Variants in LSAMP observed in about 807,000 individuals in gnomAD.
LSAMP encodes the protein limbic system-associated membrane protein.
Under a neutral mutation model 38.6 loss-of-function variants are expected in LSAMP, and 7 were observed. The observed-to-expected ratio is 0.18, with a 90% CI of 0.10 to 0.34. LSAMP has a LOEUF of 0.34. LSAMP is among the 10% of genes least tolerant of loss of function. The pLI, the probability that LSAMP is intolerant of heterozygous loss-of-function variation, is 1.00. For missense variants in LSAMP, 313 were observed against 420.0 expected, an observed-to-expected ratio of 0.75 and a Z score of 2.23; for synonymous variants, 154 against 166.8, an observed-to-expected ratio of 0.92 and a Z score of 0.59.
chr3:116,340,956 G>A (rs755035582), intron 1 of LSAMP, among the ~76,000 whole-genome samples: 3 of 151,938 alleles, frequency 2.0e-5, no homozygotes, highest in Admixed American at 6.6e-5. Flanking sequence ...ACCTCTATAT[G>A]TATCATCCTC....
intron 1 of LSAMP, among the ~76,000 whole-genome samples, chr3:116,153,735 T>G (rs1709677071): frequency 6.6e-6 from 1 of 152,128 alleles, no homozygotes; most frequent in African/African-American, 2.4e-5. Context: ...CTCTTTGGCT[T>G]TCACTTAAGC....
intron 3 of LSAMP, among the ~76,000 whole-genome samples, chr3:115,958,154 A>C (rs1938512506): frequency 6.6e-6 from 1 of 152,222 alleles, no homozygotes; most frequent in East Asian, 1.9e-4. Context: ...GAGGTGTCAC[A>C]TAAAAACATT....
At chr3:116,085,591 A>G (rs1469792876) in intron 2 of LSAMP, among the ~76,000 whole-genome samples, 1 of 152,226 alleles carries the variant, frequency 6.6e-6, no homozygotes, top group Non-Finnish European at 1.5e-5. Flanking sequence ...AAAATTGTGC[A>G]GCTGATCAGC....
chr3:116,292,230 A>C (rs1183983457), intron 1 of LSAMP, among the ~76,000 whole-genome samples: 1 of 152,152 alleles, frequency 6.6e-6, no homozygotes, highest in Non-Finnish European at 1.5e-5. Context: ...AATCTCCTCA[A>C]TATATTAACA....
At chr3:115,857,646 C>T (rs560267915) in intron 3 of LSAMP, among the ~76,000 whole-genome samples, 1 of 152,278 alleles carries the variant, frequency 6.6e-6, no homozygotes, top group East Asian at 1.9e-4. Context: ...TAGTTTAAAT[C>T]TCCCTTTGCT....
At chr3:116,032,560 C>A (rs942663567) in intron 2 of LSAMP, among the ~76,000 whole-genome samples, 1 of 152,110 alleles carries the variant, frequency 6.6e-6, no homozygotes, top group African/African-American at 2.4e-5. Flanking sequence ...GTAATCCCAG[C>A]ACTTTGGAAG....
intron 1 of LSAMP, among the ~76,000 whole-genome samples, chr3:116,426,637 TA>T (rs1405412197): frequency 1.3e-5 from 2 of 152,030 alleles, no homozygotes; most frequent in Admixed American, 1.3e-4. Flanking sequence ...GCAAAATAAT[TA>T]ATAATAAAAC....
chr3:116,074,444 C>T (rs1707684576), intron 2 of LSAMP, among the ~76,000 whole-genome samples: 1 of 152,106 alleles, frequency 6.6e-6, no homozygotes, highest in South Asian at 2.1e-4. Context: ...AAAAATAATT[C>T]TGTAATGACC....
At chr3:116,246,851 A>C (rs6784939) in intron 1 of LSAMP, among the ~76,000 whole-genome samples, 151,407 of 152,164 alleles carry the variant, frequency 1, 75,334 homozygotes, top group Middle Eastern at 1. Context: ...TCATACTTTG[A>C]AAATGTCCTG....
At chr3:115,886,011 T>C (rs907117059) in intron 3 of LSAMP, among the ~76,000 whole-genome samples, 5 of 151,946 alleles carry the variant, frequency 3.3e-5, no homozygotes, top group Admixed American at 6.6e-5. Flanking sequence ...CAAAGACTTA[T>C]TGTTTGAGAG....
chr3:116,171,348 G>T (rs1710193529), intron 1 of LSAMP, among the ~76,000 whole-genome samples: 1 of 152,070 alleles, frequency 6.6e-6, no homozygotes, highest in South Asian at 2.1e-4. Flanking sequence ...ACATTTCATT[G>T]AATCATGCAG....
chr3:116,188,573 T>C (rs1486792245), intron 1 of LSAMP, among the ~76,000 whole-genome samples: 1 of 152,172 alleles, frequency 6.6e-6, no homozygotes, highest in Admixed American at 6.5e-5. Flanking sequence ...GCAGTCTGTT[T>C]ATTTGCTCTC....
chr3:116,151,102 A>G (rs1182040264), intron 1 of LSAMP, among the ~76,000 whole-genome samples: 1 of 152,014 alleles, frequency 6.6e-6, no homozygotes, highest in East Asian at 1.9e-4. Context: ...TTTAAACCCT[A>G]TTATTTCAAA....
Position 115,971,770 on chromosome 3 carries a change from T to C in LSAMP, c.514+47745A>G, listed in dbSNP as rs182085720. On this transcript the variant is annotated intron_variant, in intron 3 of 6. Transcript: ENST00000490035. ...TGATTATACCTATTAGATGGTAAGC[T>C]GCTTAAGGGAATGTTTCACATCAGT... 2.0e-5 allele frequency among the ~76,000 whole-genome samples: 3 copies of C among 152,276 alleles called. No individual in the cohort carries two copies. The East Asian group carries it at 5.8e-4, about 29-fold the overall frequency.
chr3:116,113,252 G>A (rs1459658824), intron 1 of LSAMP, among the ~76,000 whole-genome samples: 1 of 150,834 alleles, frequency 6.6e-6, no homozygotes, highest in East Asian at 1.9e-4. Context: ...AAAAGAATAA[G>A]AATGTTTGTA....
At chr3:116,393,985 A>G (rs1004876169) in intron 1 of LSAMP, among the ~76,000 whole-genome samples, 1 of 152,142 alleles carries the variant, frequency 6.6e-6, no homozygotes, top group Non-Finnish European at 1.5e-5. Flanking sequence ...TTTAGTTGGG[A>G]CTGATTTTAT....
At chr3:116,172,774 G>A (rs1710233785) in intron 1 of LSAMP, among the ~76,000 whole-genome samples, 1 of 151,960 alleles carries the variant, frequency 6.6e-6, no homozygotes, top group Non-Finnish European at 1.5e-5. Context: ...AATCATTAGT[G>A]TAATGGATGT....
At chr3:115,886,360 C>T (rs1162589950) in intron 3 of LSAMP, among the ~76,000 whole-genome samples, 1 of 151,952 alleles carries the variant, frequency 6.6e-6, no homozygotes, top group Non-Finnish European at 1.5e-5. Context: ...TTATTGTGAA[C>T]TGTTAATAGT....
chr3:115,899,835 T>C (rs1936829189), intron 3 of LSAMP, among the ~76,000 whole-genome samples: 1 of 152,142 alleles, frequency 6.6e-6, no homozygotes, highest in South Asian at 2.1e-4. Context: ...TCTCTAAAAA[T>C]GGCATCGGAG....
Sources: gnomAD v4.1 joint callset for allele counts (sites outside exome capture counted in the v4.1 genomes callset) on GRCh38, gnomAD v4.1.1 for gene constraint, MANE v1.5 for transcripts, NCBI Gene and HGNC (gene_info 2026-07-23, HGNC 2026-07-21) for gene names.